Variants in PALD1 observed in about 807,000 individuals in gnomAD.
The protein encoded by PALD1 is phosphatase domain containing paladin 1.
A neutral mutation model predicts 96.0 loss-of-function variants in PALD1; 57 were observed. That is an observed-to-expected ratio of 0.59 (90% CI 0.48 to 0.74). The LOEUF (loss-of-function observed/expected upper bound fraction) is 0.74. Ranked by LOEUF, PALD1 falls within the 30% of genes least tolerant of loss-of-function variation. The pLI, the probability that PALD1 is intolerant of heterozygous loss-of-function variation, is 0.00. For synonymous variants in PALD1, 464 were observed against 473.6 expected (o/e 0.98, Z 0.26); for missense variants, 1,063 against 1,143.7 (o/e 0.93, Z 1.02).
At chr10:70,552,482 T>A (rs1343399213) in intron 18 of PALD1, among the ~76,000 whole-genome samples, 1 of 152,218 alleles carries the variant, frequency 6.6e-6, no homozygotes, top group Non-Finnish European at 1.5e-5. Flanking sequence ...TATTTTGGAA[T>A]GTTTCAAACA....
At chr10:70,530,651 C>T (rs1846973071) in intron 4 of PALD1, among the ~76,000 whole-genome samples, 1 of 152,030 alleles carries the variant, frequency 6.6e-6, no homozygotes, top group African/African-American at 2.4e-5. Context: ...GGGTCTGCTG[C>T]GATTGTAGGC....
At chr10:70,480,471 T>A (rs1454572253) in intron 1 of PALD1, among the ~76,000 whole-genome samples, 3 of 152,144 alleles carry the variant, frequency 2.0e-5, no homozygotes, top group Non-Finnish European at 4.4e-5. Flanking sequence ...TGCACCCCCC[T>A]CCCTTTCCTG....
chr10:70,551,174 T>G (rs928625629), intron 18 of PALD1, among the ~76,000 whole-genome samples: 1 of 152,246 alleles, frequency 6.6e-6, no homozygotes, highest in Non-Finnish European at 1.5e-5. Flanking sequence ...CAGGGAGATG[T>G]GCGGAGTCTC....
chr10:70,517,307 G>A (rs556988324), intron 1 of PALD1, among the ~76,000 whole-genome samples: 22 of 151,568 alleles, frequency 1.5e-4, no homozygotes, highest in Admixed American at 1.1e-3. Context: ...CTGAGGTAGC[G>A]TTCATACAAT....
rs549857238 is a variant in PALD1 at position 70,520,117 on chromosome 10, G to A, written c.-29-5806G>A. Among the ~76,000 whole-genome samples, 5 of 152,254 alleles carry A rather than the reference G, an allele frequency of 3.3e-5. No individual in the cohort carries two copies. The East Asian group carries it at 5.8e-4, about 18-fold the overall frequency. On this transcript the variant is annotated intron_variant, in intron 1 of 19. Coordinates refer to ENST00000263563, the MANE Select transcript of PALD1 (RefSeq NM_014431.3). ...ATTGTGCCAGAGGGTCTGGGATTCC[G>A]GCCGGCGGGGAGGGCAGGAAAAAGG...
At chr10:70,536,240 G>T (rs1167436327) in intron 10 of PALD1, among the ~76,000 whole-genome samples, 1 of 152,146 alleles carries the variant, frequency 6.6e-6, no homozygotes, top group Non-Finnish European at 1.5e-5. Flanking sequence ...GTTCCAGGCT[G>T]CAGTGGGCTA....
intron 1 of PALD1, among the ~76,000 whole-genome samples, chr10:70,519,870 C>CGGATTATAGGTGTG (rs1846694749): frequency 6.6e-6 from 1 of 151,820 alleles, no homozygotes; most frequent in Non-Finnish European, 1.5e-5. Context: ...CCACTGTGCC[C>CGGATTATAGGTGTG]AGCCTGGGAT....
chr10:70,538,989 C>T lies in PALD1; in HGVS notation c.1550C>T (p.Thr517Met), dbSNP rs117244352. Reference sequence around the variant, plus strand: ...GTGCCCCGCATGCCCATCTACGGCACGGCCCAGCCCAGCGCCAAGGTGACC... The same window carrying T: ...GTGCCCCGCATGCCCATCTACGGCATGGCCCAGCCCAGCGCCAAGGTGACC... ...RRVPRMPIYG[T>M]AQPSAKALGS... Residue 517 changes from threonine (T) to methionine (M), a missense_variant, in exon 13 of 20, where the codon ACG (threonine) becomes ATG (methionine). By Grantham distance (81) the Thr-to-Met change is moderately conservative. Transcript: ENST00000263563. 19,297 of 1,613,770 alleles carry T rather than the reference C, an allele frequency of 0.012. 279 individuals are homozygous for T. The highest frequency in any genetic ancestry group is 0.011 in the Non-Finnish European group (13,272 of 1,179,898).
intron 18 of PALD1, among the ~76,000 whole-genome samples, chr10:70,555,827 G>A (rs910617862): frequency 2.6e-5 from 4 of 152,100 alleles, no homozygotes; most frequent in African/African-American, 4.8e-5. Flanking sequence ...CGGTGAAACC[G>A]CTTCTATACT....
At chr10:70,489,159 T>C (rs1846061484) in intron 1 of PALD1, among the ~76,000 whole-genome samples, 1 of 152,084 alleles carries the variant, frequency 6.6e-6, no homozygotes, top group African/African-American at 2.4e-5. Flanking sequence ...CCAATAGCTA[T>C]CTTGCCCAGC....
intron 17 of PALD1, among the ~76,000 whole-genome samples, chr10:70,545,140 C>T (rs976186850): frequency 2.6e-4 from 39 of 148,536 alleles, no homozygotes; most frequent in African/African-American, 9.1e-4. Flanking sequence ...AGGTGGCTGT[C>T]GACCACGGGA....
chr10:70,521,096 T>C (rs1846725205), intron 1 of PALD1, among the ~76,000 whole-genome samples: 1 of 152,204 alleles, frequency 6.6e-6, no homozygotes, highest in Non-Finnish European at 1.5e-5. Flanking sequence ...TGTGGCTTTT[T>C]AGCTGGATAC....
At chr10:70,458,508 G>A in the PALD1 span, among the ~76,000 whole-genome samples, 3 of 152,210 alleles carry the variant, frequency 2.0e-5, no homozygotes, top group African/African-American at 7.2e-5. Flanking sequence ...GGCGACCCGG[G>A]TGAGTCAGCC....
chr10:70,526,197 T>C, intron 2 of PALD1, 61 bp downstream of exon 2: 2 of 1,432,552 alleles, frequency 1.4e-6, no homozygotes, highest in Non-Finnish European at 2.0e-6. Flanking sequence ...GGGGACCTGC[T>C]TGGGGGTGCA....
At chr10:70,522,635 A>G (rs1286730880) in intron 1 of PALD1, among the ~76,000 whole-genome samples, 1 of 152,176 alleles carries the variant, frequency 6.6e-6, no homozygotes, top group African/African-American at 2.4e-5. Context: ...GAAGGTAGGA[A>G]ATAAAGGCAT....
chr10:70,545,991 C>G (rs1847353173), intron 17 of PALD1, among the ~76,000 whole-genome samples: 1 of 152,006 alleles, frequency 6.6e-6, no homozygotes, highest in African/African-American at 2.4e-5. Flanking sequence ...AATCCCAGCA[C>G]TTTGGGAGAC....
At chr10:70,554,637 A>G (rs909198226) in intron 18 of PALD1, among the ~76,000 whole-genome samples, 7 of 152,036 alleles carry the variant, frequency 4.6e-5, no homozygotes, top group African/African-American at 1.7e-4. Context: ...TATTTATGAC[A>G]AAAACCAAAG....
intron 10 of PALD1, among the ~76,000 whole-genome samples, chr10:70,536,466 T>C (rs1344454648): frequency 6.6e-6 from 1 of 152,190 alleles, no homozygotes; most frequent in Non-Finnish European, 1.5e-5. Flanking sequence ...TACTTCTTTG[T>C]TGAGCAGCTT....
intron 8 of PALD1, 28 bp from the exon 9 acceptor site, chr10:70,534,397 T>A (rs1304613343): frequency 8.6e-6 from 13 of 1,520,094 alleles, no homozygotes; most frequent in Non-Finnish European, 1.2e-5. Context: ...TGGAAGAGCC[T>A]GCTAATGTAC....
Sources: allele counts gnomAD v4.1 joint callset (sites outside exome capture counted in the v4.1 genomes callset), GRCh38; gene constraint gnomAD v4.1.1; transcripts MANE v1.5; gene names NCBI Gene and HGNC (gene_info 2026-07-23, HGNC 2026-07-21).